Variants in TMEM63C observed in about 807,000 individuals in gnomAD.
TMEM63C encodes transmembrane protein 63C.
TMEM63C carries 32 observed loss-of-function variants against 99.2 expected under a neutral mutation model. That is an observed-to-expected ratio of 0.32 (90% CI 0.24 to 0.43). The LOEUF (loss-of-function observed/expected upper bound fraction) is 0.43. TMEM63C is among the 20% of genes least tolerant of loss of function. The pLI is 1.00. For missense variants in TMEM63C, 826 were observed against 1,053.0 expected (o/e 0.78, Z 2.98); for synonymous variants, 376 against 397.9 (o/e 0.94, Z 0.66).
chr14:77,217,654 A>G (rs1946005728), intron 2 of TMEM63C, among the ~76,000 whole-genome samples: 1 of 152,152 alleles, frequency 6.6e-6, no homozygotes, highest in Admixed American at 6.5e-5. Context: ...GACACCTCCC[A>G]TTTTCACCTG....
chr14:77,204,563 G>C (rs546840099), intron 1 of TMEM63C, among the ~76,000 whole-genome samples: 1 of 152,324 alleles, frequency 6.6e-6, no homozygotes, highest in South Asian at 2.1e-4. Context: ...ATCCAGCACA[G>C]CAGAGGAAAT....
chr14:77,226,010 C>T (rs571677484), intron 6 of TMEM63C, among the ~76,000 whole-genome samples: 2 of 152,284 alleles, frequency 1.3e-5, no homozygotes, highest in African/African-American at 4.8e-5. Flanking sequence ...CCTCAAGTTA[C>T]GTGTTTTCTC....
At chr14:77,223,507 C>T (rs1888762196) in intron 5 of TMEM63C, among the ~76,000 whole-genome samples, 1 of 152,210 alleles carries the variant, frequency 6.6e-6, no homozygotes, top group Non-Finnish European at 1.5e-5. Context: ...AGCTGTCACT[C>T]TGTCACGTCA....
At position 77,202,140 on chromosome 14, in the gene TMEM63C, G is replaced by A. The variant is rs527483891; in HGVS notation, c.-76-11306G>A. Among the ~76,000 whole-genome samples, 5 of 152,136 alleles carry A rather than the reference G, an allele frequency of 3.3e-5. 1 individual carries two copies. In the South Asian group the frequency reaches 8.3e-4, roughly 25 times the overall value. Reference sequence around the variant, plus strand: ...TAAAAACACATAAATTCACACAAGCGCCAAAACACACAAGTGTATACAACT... The same window carrying A: ...TAAAAACACATAAATTCACACAAGCACCAAAACACACAAGTGTATACAACT... On this transcript the variant is annotated intron_variant, in intron 1 of 23. Transcript: ENST00000298351.
intron 1 of TMEM63C, among the ~76,000 whole-genome samples, chr14:77,207,984 C>T (rs1474963455): frequency 2.0e-5 from 3 of 152,140 alleles, no homozygotes; most frequent in Middle Eastern, 3.2e-3. Flanking sequence ...GTGGAACCAG[C>T]CCCCCAGCTC....
At chr14:77,250,660 G>A (rs961974093) in intron 21 of TMEM63C, among the ~76,000 whole-genome samples, 2 of 151,834 alleles carry the variant, frequency 1.3e-5, no homozygotes, top group South Asian at 2.1e-4. Flanking sequence ...GGCTGGTCTC[G>A]AACTCCTGAG....
At chr14:77,223,605 C>T (rs574651241) in intron 5 of TMEM63C, among the ~76,000 whole-genome samples, 15 of 152,172 alleles carry the variant, frequency 9.9e-5, no homozygotes, top group African/African-American at 3.6e-4. Context: ...TTTATGCCTT[C>T]AGAGCGATAA....
At chr14:77,183,036 A>G (rs971810116) in intron 1 of TMEM63C, among the ~76,000 whole-genome samples, 1 of 152,072 alleles carries the variant, frequency 6.6e-6, no homozygotes, top group African/African-American at 2.4e-5. Context: ...CATTCCGTCT[A>G]TTGCCCTTAG....
intron 1 of TMEM63C, among the ~76,000 whole-genome samples, chr14:77,198,582 A>G (rs1288479762): frequency 2.6e-5 from 4 of 152,162 alleles, no homozygotes; most frequent in Non-Finnish European, 5.9e-5. Flanking sequence ...CAGACCATCA[A>G]AGTTGTTCTC....
In TMEM63C at chr14:77,225,002, A is replaced by C. The variant is rs78474634; in HGVS notation, c.313-422A>C. Among the ~76,000 whole-genome samples the C allele has an allele frequency of 9.7e-3, 1,481 of 152,266 alleles. 22 individuals are homozygous for C. The highest frequency in any genetic ancestry group is 0.034 in the African/African-American group (1,401 of 41,536). On this transcript the variant is annotated intron_variant, in intron 5 of 23. Coordinates refer to ENST00000298351, the MANE Select transcript of TMEM63C (RefSeq NM_020431.4). ...AAATTTTAATTGGCCCCACTTGGGTAAAGTTCCCATTGGCCAGTCAATCAC... is the reference window on the plus strand; with the variant it reads ...AAATTTTAATTGGCCCCACTTGGGTCAAGTTCCCATTGGCCAGTCAATCAC...
intron 9 of TMEM63C, among the ~76,000 whole-genome samples, chr14:77,237,277 C>A (rs1889079122): frequency 6.6e-6 from 1 of 152,090 alleles, no homozygotes; most frequent in Non-Finnish European, 1.5e-5. Flanking sequence ...CCTGGCCCTG[C>A]CCACCCCTGC....
chr14:77,192,462 G>A (rs1156764644), intron 1 of TMEM63C, among the ~76,000 whole-genome samples: 1 of 152,338 alleles, frequency 6.6e-6, no homozygotes, highest in Non-Finnish European at 1.5e-5. Flanking sequence ...AGGGAGGATT[G>A]TTGGGTAGGG....
Position 77,195,306 on chromosome 14 carries a change from C to T in TMEM63C, c.-77+13412C>T, listed in dbSNP as rs1305419251. ...TGAGAGCTAGAGAGGATTGAGCAAG[C>T]TGCCGGGGCTCCCTGGCTAGCTGGC... is the stretch of plus-strand genomic sequence containing the variant. On this transcript the variant is annotated intron_variant, in intron 1 of 23. Transcript: ENST00000298351. Among the ~76,000 whole-genome samples the T allele has an allele frequency of 2.0e-5, 3 of 152,196 alleles. No individual in the cohort carries two copies. The South Asian group carries it at 6.2e-4, about 31-fold the overall frequency.
At chr14:77,252,869 A>T (rs1889393329) in intron 22 of TMEM63C, among the ~76,000 whole-genome samples, 1 of 152,236 alleles carries the variant, frequency 6.6e-6, no homozygotes, top group African/African-American at 2.4e-5. Context: ...ACTCTGTCTA[A>T]TACAGCAGCA....
At chr14:77,248,192 A>G (rs1286500213) in intron 18 of TMEM63C, among the ~76,000 whole-genome samples, 155 bp from the exon 19 acceptor site, 3 of 152,150 alleles carry the variant, frequency 2.0e-5, no homozygotes, top group Non-Finnish European at 2.9e-5. Flanking sequence ...GAGACAGAGA[A>G]AAAGAAAGAG....
intron 8 of TMEM63C, among the ~76,000 whole-genome samples, chr14:77,234,370 A>G (rs922989116): frequency 7.2e-5 from 11 of 152,136 alleles, no homozygotes; most frequent in African/African-American, 2.7e-4. Flanking sequence ...TGCTTTGACC[A>G]TATCCTCCCC....
At chr14:77,190,481 T>C (rs1443136692) in intron 1 of TMEM63C, among the ~76,000 whole-genome samples, 2 of 151,662 alleles carry the variant, frequency 1.3e-5, no homozygotes, top group Non-Finnish European at 2.9e-5. Flanking sequence ...AAGAGAAAAA[T>C]AACTAAAAAA....
chr14:77,203,309 G>T (rs192818893), intron 1 of TMEM63C, among the ~76,000 whole-genome samples: 11 of 151,652 alleles, frequency 7.3e-5, no homozygotes, highest in Non-Finnish European at 2.9e-5. Flanking sequence ...TTGAACCCGG[G>T]GGGTGGAGAT....
At chr14:77,186,831 C>CTGTGTG (rs1888009569) in intron 1 of TMEM63C, among the ~76,000 whole-genome samples, 1 of 54,436 alleles carries the variant, frequency 1.8e-5, no homozygotes. Context: ...CTGTGTGTGT[C>CTGTGTG]TGTGTGGTGT....
Sources: gnomAD v4.1 joint callset for allele counts (sites outside exome capture counted in the v4.1 genomes callset) on GRCh38, gnomAD v4.1.1 for gene constraint, MANE v1.5 for transcripts, NCBI Gene and HGNC (gene_info 2026-07-23, HGNC 2026-07-21) for gene names.